The following IL19 variants were observed in gnomAD, a reference collection of about 807,000 sequenced individuals.
The protein encoded by IL19 is interleukin 19, also known as interleukin-19.
Under a neutral mutation model 19.5 loss-of-function variants are expected in IL19, and 15 were observed. The ratio of observed to expected loss-of-function variants is 0.77; its 90% CI spans 0.52 to 1.19. The LOEUF (loss-of-function observed/expected upper bound fraction) is 1.19. Among genes scored for constraint, IL19 ranks in the 50% most tolerant of loss-of-function variants. The pLI is 0.00. For synonymous variants in IL19, 78 were observed against 78.3 expected (o/e 1.00, Z 0.02); for missense variants, 199 against 213.1 (o/e 0.93, Z 0.41).
At chr1:206,810,648 T>C (rs1878673) in intron 2 of IL19, among the ~76,000 whole-genome samples, 6 of 151,986 alleles carry the variant, frequency 3.9e-5, no homozygotes, top group Non-Finnish European at 7.4e-5. Context: ...GACTCCCATA[T>C]AGCAGAGGCC....
chr1:206,820,067 T>C (rs2102473605), intron 2 of IL19, among the ~76,000 whole-genome samples: 1 of 152,328 alleles, frequency 6.6e-6, no homozygotes, highest in East Asian at 1.9e-4. Context: ...CCCTCCTAAA[T>C]TTTGTCTTGT....
At chr1:206,826,533 C>T (rs1221670698) in intron 2 of IL19, among the ~76,000 whole-genome samples, 1 of 152,158 alleles carries the variant, frequency 6.6e-6, no homozygotes, top group Non-Finnish European at 1.5e-5. Context: ...AGTCAGCTCT[C>T]ACTCTGCCAC....
intron 1 of IL19, among the ~76,000 whole-genome samples, chr1:206,792,333 A>G (rs1457091796): frequency 6.6e-6 from 1 of 152,088 alleles, no homozygotes; most frequent in Non-Finnish European, 1.5e-5. Context: ...CCTCCATTAA[A>G]GGCTGTATTT....
At chr1:206,782,799 G>A (rs1675179134) in intron 1 of IL19, among the ~76,000 whole-genome samples, 2 of 152,178 alleles carry the variant, frequency 1.3e-5, no homozygotes, top group South Asian at 2.1e-4. Flanking sequence ...AGAGCTGTTG[G>A]ACAGGCTCTA....
At chr1:206,815,299 T>C (rs934308651) in intron 2 of IL19, among the ~76,000 whole-genome samples, 1 of 152,128 alleles carries the variant, frequency 6.6e-6, no homozygotes, top group Non-Finnish European at 1.5e-5. Context: ...ATCAGTTAAG[T>C]GGTCACAGTA....
intron 2 of IL19, among the ~76,000 whole-genome samples, chr1:206,804,329 T>A (rs1363052151): frequency 6.6e-6 from 1 of 152,200 alleles, no homozygotes; most frequent in African/African-American, 2.4e-5. Flanking sequence ...AACCTGGAGA[T>A]CCTTTCCAAC....
chr1:206,796,094 T>C (rs1436061442), intron 1 of IL19, among the ~76,000 whole-genome samples: 1 of 151,962 alleles, frequency 6.6e-6, no homozygotes, highest in African/African-American at 2.4e-5. Flanking sequence ...AGTCCCATGG[T>C]CTAGATTCTA....
chr1:206,782,869 C>G (rs1675180977), intron 1 of IL19, among the ~76,000 whole-genome samples: 1 of 152,212 alleles, frequency 6.6e-6, no homozygotes, highest in South Asian at 2.1e-4. Context: ...TCTCTCCCTC[C>G]TCTTTAATTC....
At chr1:206,786,549 C>A (rs575155957) in intron 1 of IL19, among the ~76,000 whole-genome samples, 22 of 152,226 alleles carry the variant, frequency 1.4e-4, no homozygotes, top group Non-Finnish European at 2.5e-4. Flanking sequence ...GCTGCTGTTT[C>A]ATTTCAGGTA....
At chr1:206,802,435 C>T (rs778426358) in intron 2 of IL19, among the ~76,000 whole-genome samples, 14 of 151,846 alleles carry the variant, frequency 9.2e-5, no homozygotes, top group Non-Finnish European at 1.3e-4. Flanking sequence ...CTCATCAAAA[C>T]GAACAGCACC....
chr1:206,838,595 C>T (rs1204382829), intron 4 of IL19, among the ~76,000 whole-genome samples: 1 of 152,170 alleles, frequency 6.6e-6, no homozygotes, highest in African/African-American at 2.4e-5. Context: ...TGGGAGGGAG[C>T]ATGACTAGTT....
At chr1:206,781,767 C>T (rs151104328) in intron 1 of IL19, among the ~76,000 whole-genome samples, 191 of 150,902 alleles carry the variant, frequency 1.3e-3, no homozygotes, top group African/African-American at 4.5e-3. Context: ...CAGCTGTTGG[C>T]GAACTATGTG....
chr1:206,833,956 C>T (rs1676696901), intron 2 of IL19: 1 of 985,548 alleles, frequency 1.0e-6, no homozygotes, highest in Non-Finnish European at 1.2e-6. Context: ...ACCTGCAGAG[C>T]CTCATGGGCT....
intron 2 of IL19, among the ~76,000 whole-genome samples, chr1:206,835,137 C>G (rs183408928): frequency 6.6e-6 from 1 of 152,190 alleles, no homozygotes; most frequent in Non-Finnish European, 1.5e-5. Flanking sequence ...CCACAAAATG[C>G]GCAAGTCTCC....
chr1:206,837,016 T>G lies in IL19; in HGVS notation c.203T>G (p.Ile68Ser). 6.2e-7 allele frequency: 1 copy of G among 1,612,494 alleles called. No homozygotes were observed. Among genetic ancestry groups the G allele is most frequent in the Non-Finnish European group, 8.5e-7 (1 of 1,178,490 alleles). ...CTGTCCACATTGGAGACTCTGCAGA[T>G]CATTAAGGTATTGGCCTGTGTCTGC... ...TILSTLETLQ[I>S]IKPLDVCCVT... The change falls in exon 4 of 7, where the codon ATC (isoleucine) becomes AGC (serine). Residue 68 changes from isoleucine (I) to serine (S), a missense_variant. Ile to Ser is a moderately radical substitution (Grantham distance 142, BLOSUM62 -2). Coordinates refer to ENST00000659997, the MANE Select transcript of IL19 (RefSeq NM_153758.5).
chr1:206,781,188 G>A (rs1454521301), intron 1 of IL19, among the ~76,000 whole-genome samples: 1 of 151,972 alleles, frequency 6.6e-6, no homozygotes, highest in African/African-American at 2.4e-5. Context: ...GCTCACGCCT[G>A]TAATCCCAGC....
At chr1:206,773,586 TTGTGTGTGTGTGTGTGTG>T (rs2234662) in intron 1 of IL19, among the ~76,000 whole-genome samples, 28 of 131,868 alleles carry the variant, frequency 2.1e-4, no homozygotes, top group Admixed American at 1.4e-3. Flanking sequence ...TGTCTTGGAT[TTGTGTGTGTGTGTGTGTG>T]TGTGTGTGTG....
chr1:206,833,661 A>G, intron 2 of IL19: 2 of 985,488 alleles, frequency 2.0e-6, no homozygotes, highest in Non-Finnish European at 2.4e-6. Flanking sequence ...AAGAATAAGG[A>G]TTTCAGGTCC....
In IL19 at chr1:206,836,683, C is replaced by T; in HGVS notation, c.21C>T (p.Ser7=). 1 of 1,611,570 alleles carries T rather than the reference C, an allele frequency of 6.2e-7. No individual in the cohort carries two copies. Among genetic ancestry groups the T allele is most frequent in the Non-Finnish European group, 8.5e-7 (1 of 1,179,126 alleles). MKLQCV[S]LWLLGTILIL... is the part of the protein sequence containing the mutation. ...CAGGCATGAAGTTACAGTGTGTTTCCCTTTGGCTCCTGGGTACAATACTGA... is the reference window on the plus strand; with the variant it reads ...CAGGCATGAAGTTACAGTGTGTTTCTCTTTGGCTCCTGGGTACAATACTGA... The change falls in exon 3 of 7, where the codon TCC becomes TCT. Residue 7 remains serine, a synonymous_variant. Coordinates refer to ENST00000659997, the MANE Select transcript of IL19 (RefSeq NM_153758.5).
Sources: allele counts gnomAD v4.1 joint callset (sites outside exome capture counted in the v4.1 genomes callset), GRCh38; gene constraint gnomAD v4.1.1; transcripts MANE v1.5; gene names NCBI Gene and HGNC (gene_info 2026-07-23, HGNC 2026-07-21).